MYCBP2: variants seen among roughly 807,000 people sequenced by gnomAD.
MYCBP2 encodes the protein MYC binding protein 2.
MYCBP2 carries 120 observed loss-of-function variants against 525.3 expected under a neutral mutation model. The observed-to-expected ratio is 0.23, with a 90% CI of 0.20 to 0.27. The LOEUF (loss-of-function observed/expected upper bound fraction) is 0.27, where lower values mean the gene tolerates loss of function less well. MYCBP2 is among the 10% of genes least tolerant of loss of function. The pLI is 1.00. For synonymous variants in MYCBP2, 1,894 were observed against 1,955.8 expected (o/e 0.97, Z 0.83); for missense variants, 4,149 against 5,657.1 (o/e 0.73, Z 8.55).
rs759245481 is a variant in MYCBP2 at position 77,068,700 on chromosome 13, G to A, written c.12036C>T (p.Tyr4012=). Reference sequence around the variant, plus strand: ...AAACCATAGAGAGCAGCTCAAAGCAGTAGGCATCAGAGGAGGCATCTTCAT... The same window carrying A: ...AAACCATAGAGAGCAGCTCAAAGCAATAGGCATCAGAGGAGGCATCTTCAT... ...PNDEDASSDA[Y]CFELLSMVLA... The change falls in exon 70 of 83, where the codon TAC becomes TAT. Residue 4012 remains tyrosine, a synonymous_variant. Coordinates refer to ENST00000544440, the MANE Select transcript of MYCBP2 (RefSeq NM_015057.5). 6.2e-7 allele frequency: 1 copy of A among 1,614,164 alleles called. No individual in the cohort carries two copies. The highest frequency in any genetic ancestry group is 2.2e-5 in the East Asian group (1 of 44,878).
In MYCBP2 at chr13:77,086,358, C is replaced by T. The variant is rs1177282679; in HGVS notation, c.10875+1126G>A. ...CTCTTTTGAAAGCTAATATTTTTTT[C>T]TGTGGCTGCTTAAAAGATCTCTTTC... On this transcript the variant is annotated intron_variant, in intron 62 of 82. Transcript: ENST00000544440. Among the ~76,000 whole-genome samples, 3 of 152,106 alleles carry T rather than the reference C, an allele frequency of 2.0e-5. No homozygotes were observed. In the East Asian group the frequency reaches 5.8e-4, roughly 29 times the overall value.
intron 15 of MYCBP2, among the ~76,000 whole-genome samples, chr13:77,246,436 A>G (rs2069955353): frequency 6.6e-6 from 1 of 151,914 alleles, no homozygotes; most frequent in African/African-American, 2.4e-5. Context: ...CCCAATACCA[A>G]TGTCAGACAA....
At chr13:77,318,702 C>G (rs1226372653) in intron 1 of MYCBP2, among the ~76,000 whole-genome samples, 1 of 152,128 alleles carries the variant, frequency 6.6e-6, no homozygotes, top group African/African-American at 2.4e-5. Flanking sequence ...TGCAGTGAGC[C>G]GAGATCGCAC....
chr13:77,121,488 A>G lies in MYCBP2; in HGVS notation c.8025T>C (p.Ala2675=), dbSNP rs373134767. 282 of 1,574,044 alleles carry G rather than the reference A, an allele frequency of 1.8e-4. No individual in the cohort carries two copies. The highest frequency in any genetic ancestry group is 3.4e-4 in the Middle Eastern group (2 of 5,852). The change falls in exon 55 of 83, where the codon GCT becomes GCC. Residue 2675 remains alanine (A), a synonymous_variant. Coordinates refer to ENST00000544440, the MANE Select transcript of MYCBP2 (RefSeq NM_015057.5). ...GAGTTTGAGAATTCTGATCCAGAAG[A>G]GCTTGTTCTACAATAAAAGCCATAG... The part of the protein sequence containing the change: ...NQYLRHEDEQ[A]LLDQNSQTPP...
intron 55 of MYCBP2, among the ~76,000 whole-genome samples, chr13:77,107,575 A>C (rs2048035180): frequency 6.6e-6 from 1 of 151,968 alleles, no homozygotes; most frequent in Admixed American, 6.6e-5. Flanking sequence ...CATTTCCACA[A>C]AAAAATACAA....
chr13:77,174,283 T>C (rs1397886730), intron 37 of MYCBP2, 28 bp downstream of exon 37: 1 of 1,608,002 alleles, frequency 6.2e-7, no homozygotes, highest in South Asian at 1.1e-5. Flanking sequence ...CTGTAAAGTA[T>C]TTCCGTTATC....
rs2044844171 is a variant in MYCBP2, at chr13:77,088,849, G to A, written c.10708C>T (p.Arg3570Ter). The A allele has an allele frequency of 1.2e-6, 2 of 1,611,740 alleles. No individual in the cohort carries two copies. Among genetic ancestry groups the A allele is most frequent in the Non-Finnish European group, 1.7e-6 (2 of 1,178,532 alleles). ...MKQALRKSAC[R>*]VFAMEAFNWL... is the part of the protein sequence containing the mutation. The stretch of plus-strand genomic sequence containing the variant: ...CTTCATACCTCCATAGCAAAAACTC[G>A]ACAAGCAGATTTCCTTAGGGCCTGT... The change falls in exon 61 of 83, where the codon CGA (arginine) becomes TGA (stop). Residue 3570 changes from arginine (R) to a stop codon, truncating the protein, a stop_gained. Coordinates refer to ENST00000544440, the MANE Select transcript of MYCBP2 (RefSeq NM_015057.5). LOFTEE classifies it high-confidence loss of function.
At chr13:77,307,658 CATTGT>C (rs199887178) in intron 1 of MYCBP2, among the ~76,000 whole-genome samples, 1,406 of 137,618 alleles carry the variant, frequency 0.01, 26 homozygotes, top group African/African-American at 0.035. Flanking sequence ...AAAAAAACTT[CATTGT>C]ATTGAAGTTT....
chr13:77,055,171 T>C (rs1034879194), intron 80 of MYCBP2, among the ~76,000 whole-genome samples: 1 of 150,078 alleles, frequency 6.7e-6, no homozygotes, highest in Non-Finnish European at 1.5e-5. Context: ...GATAAATGAC[T>C]AGAAAGGAAG....
intron 37 of MYCBP2, 108 bp downstream of exon 37, chr13:77,174,203 C>A: frequency 1.1e-6 from 1 of 904,898 alleles, no homozygotes; most frequent in South Asian, 2.1e-5. Context: ...TAAGAAGATA[C>A]ACTGTACAAT....
intron 67 of MYCBP2, 113 bp downstream of exon 67, chr13:77,077,035 G>A: frequency 4.2e-6 from 6 of 1,424,998 alleles, no homozygotes; most frequent in South Asian, 4.2e-5. Flanking sequence ...GAAAAAATGG[G>A]CAACATTTAT....
intron 18 of MYCBP2, among the ~76,000 whole-genome samples, chr13:77,232,073 C>G (rs1193927274): frequency 2.6e-5 from 4 of 152,058 alleles, no homozygotes; most frequent in African/African-American, 7.2e-5. Flanking sequence ...TACACCTTTA[C>G]TAAAGATGAG....
chr13:77,256,948 A>G (rs1311864380), intron 14 of MYCBP2, among the ~76,000 whole-genome samples: 2 of 152,200 alleles, frequency 1.3e-5, no homozygotes, highest in Non-Finnish European at 2.9e-5. Context: ...TTATTGCAGC[A>G]CTATTCACAA....
At chr13:77,195,881 A>T (rs1405806079) in intron 26 of MYCBP2, among the ~76,000 whole-genome samples, 3 of 152,202 alleles carry the variant, frequency 2.0e-5, no homozygotes, top group Non-Finnish European at 2.9e-5. Flanking sequence ...CCTCCACAGC[A>T]TGATATGAAG....
rs999503777 is a variant in MYCBP2 at position 77,261,283 on chromosome 13, T to C, written c.1740A>G (p.Pro580=). 2.2e-5 allele frequency: 35 copies of C among 1,613,614 alleles called. No individual in the cohort carries two copies. In the Middle Eastern group the frequency reaches 9.9e-4, roughly 45 times the overall value. The change falls in exon 12 of 83, where the codon CCA becomes CCG. Residue 580 remains proline (P), a synonymous_variant. Transcript: ENST00000544440. ...KWVELPITKS[P]KIVHFSVGHD... ...GTCCAACTGAGAAGTGTACTATCTT[T>C]GGAGATTTTGTAATTGGTAGCTCAA...
At chr13:77,297,960 T>C (rs1422409132) in intron 1 of MYCBP2, among the ~76,000 whole-genome samples, 3 of 152,208 alleles carry the variant, frequency 2.0e-5, no homozygotes, top group East Asian at 1.9e-4. Context: ...ATTCTTCACA[T>C]AGGAACCTAA....
intron 55 of MYCBP2, among the ~76,000 whole-genome samples, chr13:77,108,450 T>G (rs980205381): frequency 6.6e-6 from 1 of 152,200 alleles, no homozygotes; most frequent in Non-Finnish European, 1.5e-5. Flanking sequence ...TCCCGAGCAT[T>G]AACTTGAGAC....
chr13:77,130,134 G>A (rs968233319), intron 52 of MYCBP2, among the ~76,000 whole-genome samples: 2 of 151,526 alleles, frequency 1.3e-5, no homozygotes, highest in Non-Finnish European at 3.0e-5. Flanking sequence ...AATCTTTCTA[G>A]TGAGTAGCAA....
intron 1 of MYCBP2, among the ~76,000 whole-genome samples, chr13:77,322,066 C>G (rs1690056229): frequency 6.6e-6 from 1 of 152,162 alleles, no homozygotes; most frequent in Non-Finnish European, 1.5e-5. Flanking sequence ...GAGACTGAGG[C>G]AGGAAGATCA....
Sources: allele counts gnomAD v4.1 joint callset (sites outside exome capture counted in the v4.1 genomes callset), GRCh38; gene constraint gnomAD v4.1.1; transcripts MANE v1.5; gene names NCBI Gene and HGNC (gene_info 2026-07-23, HGNC 2026-07-21).